AGBL1: variants seen among roughly 807,000 people sequenced by gnomAD.
The protein encoded by AGBL1 is AGBL carboxypeptidase 1, also known as cytosolic carboxypeptidase 4.
A neutral mutation model predicts 118.9 loss-of-function variants in AGBL1; 130 were observed. The observed-to-expected ratio is 1.09, with a 90% CI of 0.95 to 1.26. The LOEUF is 1.26. Among genes scored for constraint, AGBL1 ranks in the 50% most tolerant of loss-of-function variants. The pLI is 0.00. For missense variants in AGBL1, 1,584 were observed against 1,298.1 expected, an observed-to-expected ratio of 1.22 and a Z score of -3.38; for synonymous variants, 555 against 478.9, an observed-to-expected ratio of 1.16 and a Z score of -2.08.
intron 18 of AGBL1, among the ~76,000 whole-genome samples, chr15:86,466,059 C>A (rs2082402191): frequency 6.6e-6 from 1 of 152,152 alleles, no homozygotes; most frequent in African/African-American, 2.4e-5. Context: ...CTTTTGTATT[C>A]TTTCTCTTTA....
At chr15:86,831,842 A>G (rs2079108831) in intron 22 of AGBL1, among the ~76,000 whole-genome samples, 2 of 152,134 alleles carry the variant, frequency 1.3e-5, no homozygotes, top group African/African-American at 4.8e-5. Flanking sequence ...CTTGCACCCC[A>G]CATCTCCCTT....
chr15:86,978,007 G>C (rs1311336798), intron 23 of AGBL1, among the ~76,000 whole-genome samples: 1 of 152,064 alleles, frequency 6.6e-6, no homozygotes, highest in Non-Finnish European at 1.5e-5. Context: ...ATGTTTCTAA[G>C]ACTATCATGT....
intron 1 of AGBL1, among the ~76,000 whole-genome samples, chr15:86,099,108 A>C (rs1896558398): frequency 6.6e-6 from 1 of 152,320 alleles, no homozygotes; most frequent in South Asian, 2.1e-4. Flanking sequence ...TTATAGCAAT[A>C]AATGCCTACT....
At chr15:86,590,804 G>T (rs1387832498) in intron 21 of AGBL1, among the ~76,000 whole-genome samples, 2 of 152,186 alleles carry the variant, frequency 1.3e-5, no homozygotes, top group Non-Finnish European at 2.9e-5. Context: ...GCTTTGCAGA[G>T]CTACTTTTAT....
At chr15:86,753,181 T>G (rs954000919) in intron 22 of AGBL1, among the ~76,000 whole-genome samples, 1 of 152,014 alleles carries the variant, frequency 6.6e-6, no homozygotes, top group Non-Finnish European at 1.5e-5. Flanking sequence ...TATGATTATA[T>G]TATGTGGTCT....
At chr15:86,418,061 C>A (rs1022336408) in intron 18 of AGBL1, among the ~76,000 whole-genome samples, 3 of 152,164 alleles carry the variant, frequency 2.0e-5, no homozygotes, top group Admixed American at 6.5e-5. Context: ...CAATTAGATT[C>A]CATTCTTTGG....
At chr15:86,856,751 T>A (rs953827663) in intron 22 of AGBL1, among the ~76,000 whole-genome samples, 2 of 152,256 alleles carry the variant, frequency 1.3e-5, no homozygotes, top group African/African-American at 4.8e-5. Flanking sequence ...CACTGTTGTC[T>A]GTGGAACATA....
At chr15:86,367,078 G>A (rs1367980179) in intron 17 of AGBL1, among the ~76,000 whole-genome samples, 1 of 152,086 alleles carries the variant, frequency 6.6e-6, no homozygotes, top group African/African-American at 2.4e-5. Context: ...TTAATTTCAT[G>A]GAAGCCTGAC....
At chr15:86,587,894 C>T (rs1267900998) in intron 21 of AGBL1, among the ~76,000 whole-genome samples, 1 of 152,092 alleles carries the variant, frequency 6.6e-6, no homozygotes, top group Non-Finnish European at 1.5e-5. Context: ...CAGTAGGAAG[C>T]TTCTAGTTCT....
At chr15:86,290,091 C>T (rs2079519858) in intron 16 of AGBL1, among the ~76,000 whole-genome samples, 1 of 152,068 alleles carries the variant, frequency 6.6e-6, no homozygotes, top group African/African-American at 2.4e-5. Flanking sequence ...ACATTTTGTT[C>T]CACCTTTTTC....
At chr15:86,846,238 T>C (rs2079315533) in intron 22 of AGBL1, among the ~76,000 whole-genome samples, 3 of 152,204 alleles carry the variant, frequency 2.0e-5, no homozygotes, top group Admixed American at 6.5e-5. Context: ...TGTCTGGCAA[T>C]GTCTTGTTTT....
intron 1 of AGBL1, among the ~76,000 whole-genome samples, chr15:86,129,909 A>T (rs1215055168): frequency 6.6e-6 from 1 of 152,100 alleles, no homozygotes; most frequent in Non-Finnish European, 1.5e-5. Context: ...GAATGGGAGG[A>T]TGAATGCTGG....
intron 5 of AGBL1, among the ~76,000 whole-genome samples, chr15:86,200,557 C>A (rs866860536): frequency 0.038 from 5,392 of 142,574 alleles, 270 homozygotes; most frequent in African/African-American, 0.068. Context: ...CCTACCCCCC[C>A]CCCCCTTTTT....
intron 22 of AGBL1, among the ~76,000 whole-genome samples, chr15:86,815,757 C>T (rs2078849529): frequency 1.3e-5 from 2 of 152,086 alleles, no homozygotes; most frequent in South Asian, 2.1e-4. Flanking sequence ...AAGTAACACT[C>T]TATCCCCGTC....
chr15:86,345,232 T>C (rs927493158), intron 17 of AGBL1, among the ~76,000 whole-genome samples: 4 of 151,826 alleles, frequency 2.6e-5, no homozygotes, highest in African/African-American at 9.7e-5. Context: ...TTTTTTTTAA[T>C]GGAAAGTAAA....
chr15:86,776,494 G>A (rs927978896), intron 22 of AGBL1, among the ~76,000 whole-genome samples: 20 of 151,350 alleles, frequency 1.3e-4, no homozygotes, highest in African/African-American at 3.9e-4. Context: ...TTTTCTATTC[G>A]TTGCTTCTCT....
chr15:86,312,747 G>C (rs923978689), intron 17 of AGBL1, among the ~76,000 whole-genome samples: 2 of 152,162 alleles, frequency 1.3e-5, no homozygotes, highest in African/African-American at 4.8e-5. Context: ...CATCCCGTTA[G>C]GAAGTGGCTA....
At chr15:86,916,817 C>T (rs955349667), downstream of AGBL1, among the ~76,000 whole-genome samples, 12 of 152,286 alleles carry the variant, frequency 7.9e-5, no homozygotes, top group South Asian at 6.2e-4. Flanking sequence ...GAAGAGGCAG[C>T]GTGAGGTGGC....
At chr15:86,391,114 C>T (rs1485411947) in intron 17 of AGBL1, among the ~76,000 whole-genome samples, 1 of 150,906 alleles carries the variant, frequency 6.6e-6, no homozygotes, top group Non-Finnish European at 1.5e-5. Context: ...TCGGAGATGA[C>T]AATAATAATT....
Sources: allele counts gnomAD v4.1 joint callset (sites outside exome capture counted in the v4.1 genomes callset), GRCh38; gene constraint gnomAD v4.1.1; transcripts MANE v1.5; gene names NCBI Gene and HGNC (gene_info 2026-07-23, HGNC 2026-07-21).